Variants in SEL1L observed in about 807,000 individuals in gnomAD.
SEL1L encodes protein sel-1 homolog 1.
In SEL1L, 52 loss-of-function variants were observed where a neutral mutation model predicts 109.8. That is an observed-to-expected ratio of 0.47 (90% CI 0.38 to 0.60). The LOEUF is 0.60. Among genes scored for constraint, SEL1L ranks in the 20% least tolerant of loss-of-function variants. SEL1L has a pLI of 0.00. For missense variants in SEL1L, 749 were observed against 962.2 expected, an observed-to-expected ratio of 0.78 and a Z score of 2.93; for synonymous variants, 373 against 339.6, an observed-to-expected ratio of 1.10 and a Z score of -1.08.
rs1394107458 is a variant in SEL1L, at chr14:81,533,733, C to T, written c.12G>A (p.Arg4=). The change falls in exon 1 of 21, where the codon CGG becomes CGA. Residue 4 remains arginine, a synonymous_variant. Transcript: ENST00000336735. ...CACACAGCAGCAGCGTCAGCCCTAT[C>T]CGGACCCGCATCCTCCTCTCGGGGC... MRV[R]IGLTLLLCAV... 6.2e-7 allele frequency: 1 copy of T among 1,613,564 alleles called. No homozygotes were observed.
chr14:81,530,204 G>A (rs1397731617), intron 1 of SEL1L, among the ~76,000 whole-genome samples: 2 of 152,210 alleles, frequency 1.3e-5, no homozygotes, highest in Non-Finnish European at 2.9e-5. Flanking sequence ...ATAGTTTGGT[G>A]AAAACAGACC....
At chr14:81,508,281 A>C (rs1344136925) in intron 3 of SEL1L, among the ~76,000 whole-genome samples, 2 of 152,300 alleles carry the variant, frequency 1.3e-5, no homozygotes, top group Admixed American at 1.3e-4. Flanking sequence ...AGAGGCAAAT[A>C]ACTTTTTTTA....
At position 81,490,623 on chromosome 14, in the gene SEL1L, G is replaced by A. The variant is rs542606975; in HGVS notation, c.1255-158C>T. 91 of 633,766 alleles carry A rather than the reference G, an allele frequency of 1.4e-4. 1 individual carries two copies. In the African/African-American group the frequency reaches 1.5e-3, roughly 11 times the overall value. 39.3% of individuals were successfully genotyped at this position (633,766 alleles called of 1,614,324 possible). The stretch of plus-strand genomic sequence containing the variant: ...TATTTTAGAATTAAAAGCAAAGGCC[G>A]GGTACAGTGGCTCATGCCTGTAATC... On this transcript the variant is annotated intron_variant, in intron 12 of 20. Transcript: ENST00000336735.
chr14:81,491,342 A>C (rs1372427342), intron 12 of SEL1L, among the ~76,000 whole-genome samples: 1 of 152,286 alleles, frequency 6.6e-6, no homozygotes, highest in East Asian at 1.9e-4. Context: ...AAAGAAAAAC[A>C]GAATGGTCAA....
chr14:81,512,205 A>G (rs1030714855), intron 3 of SEL1L, among the ~76,000 whole-genome samples: 4 of 152,236 alleles, frequency 2.6e-5, no homozygotes, highest in African/African-American at 9.6e-5. Context: ...TGATGTGGAC[A>G]GACCTCACCC....
At chr14:81,513,104 C>T (rs1423016789) in intron 3 of SEL1L, among the ~76,000 whole-genome samples, 2 of 152,252 alleles carry the variant, frequency 1.3e-5, no homozygotes, top group East Asian at 3.9e-4. Flanking sequence ...AATCAGCACT[C>T]TGTAAGAACG....
At chr14:81,490,282 A>G in intron 13 of SEL1L, 106 bp downstream of exon 13, 1 of 778,282 alleles carries the variant, frequency 1.3e-6, no homozygotes, top group Non-Finnish European at 2.1e-6. Flanking sequence ...AGTTTCAATA[A>G]TGTATAGCAT....
At position 81,479,752 on chromosome 14, in the gene SEL1L, G is replaced by A. The variant is rs754967426; in HGVS notation, c.2047-12C>T. Reference sequence around the variant, plus strand: ...GCAAGGTGAATATCCTATAATACAGGTAAGAAACAAAAATGCATTTCTTGT... The same window carrying A: ...GCAAGGTGAATATCCTATAATACAGATAAGAAACAAAAATGCATTTCTTGT... On this transcript the variant is annotated splice_polypyrimidine_tract_variant and intron_variant, in intron 19 of 20. Transcript: ENST00000336735. 3 of 1,583,680 alleles carry A rather than the reference G, an allele frequency of 1.9e-6. No homozygotes were observed. Among genetic ancestry groups the A allele is most frequent in the Non-Finnish European group, 2.6e-6 (3 of 1,168,582 alleles).
Position 81,533,756 on chromosome 14 carries a change from G to A in SEL1L, c.-12C>T. 1 of 1,612,444 alleles carries A rather than the reference G, an allele frequency of 6.2e-7. No individual in the cohort carries two copies. The highest frequency in any genetic ancestry group is 8.5e-7 in the Non-Finnish European group (1 of 1,179,468). ...ATCCGGACCCGCATCCTCCTCTCGG[G>A]GCCGGTGCCAACCCCTAGAGCTGTC... On this transcript the variant is annotated 5_prime_UTR_variant, in exon 1 of 21. Transcript: ENST00000336735.
At chr14:81,498,522 A>C in intron 8 of SEL1L, 28 bp from the exon 9 acceptor site, 1 of 1,551,538 alleles carries the variant, frequency 6.4e-7, no homozygotes. Context: ...GTGAGGAGGC[A>C]GCAGTTTCAT....
chr14:81,498,795 T>G, intron 8 of SEL1L: 1 of 217,166 alleles, frequency 4.6e-6, no homozygotes, highest in Non-Finnish European at 9.0e-6. Flanking sequence ...TAAGGGCTTT[T>G]GCTTAGAACC....
At position 81,517,022 on chromosome 14, in the gene SEL1L, G is replaced by A. The variant is rs1022129078; in HGVS notation, c.340+9711C>T. On this transcript the variant is annotated intron_variant, in intron 3 of 20. Transcript: ENST00000336735. ...GGTTTAGGGGTTCCCTGACACAGAT[G>A]CATTAGAAGTGGGATTTGCTAGAAT... Among the ~76,000 whole-genome samples the A allele has an allele frequency of 4.6e-4, 70 of 152,294 alleles. 1 individual carries two copies. Among genetic ancestry groups the A allele is most frequent in the African/African-American group, 1.7e-3 (69 of 41,566 alleles).
Position 81,504,188 on chromosome 14 carries a change from C to A in SEL1L, c.614+13G>T. ...TGTCATGGGGGAAAAGTGGACTTAG[C>A]AGTGCTACCTACTCTCTTTTTTGGC... On this transcript the variant is annotated intron_variant, in intron 5 of 20. Coordinates refer to ENST00000336735, the MANE Select transcript of SEL1L (RefSeq NM_005065.6). The A allele has an allele frequency of 6.6e-7, 1 of 1,514,970 alleles. No homozygotes were observed. Among genetic ancestry groups the A allele is most frequent in the Non-Finnish European group, 9.0e-7 (1 of 1,111,308 alleles). 93.8% of individuals were successfully genotyped at this position (1,514,970 alleles called of 1,614,324 possible). A position where few individuals can be genotyped will look rare whatever the true frequency, so the allele number is the denominator to read the frequency against.
In SEL1L at chr14:81,533,762, T is replaced by C. The variant is rs2140073109; in HGVS notation, c.-18A>G. ...ACCCGCATCCTCCTCTCGGGGCCGGTGCCAACCCCTAGAGCTGTCGCCTTC... is the reference window on the plus strand; with the variant it reads ...ACCCGCATCCTCCTCTCGGGGCCGGCGCCAACCCCTAGAGCTGTCGCCTTC... On this transcript the variant is annotated 5_prime_UTR_variant, in exon 1 of 21. Transcript: ENST00000336735. The C allele has an allele frequency of 8.1e-6, 13 of 1,611,378 alleles. No homozygotes were observed. Among genetic ancestry groups the C allele is most frequent in the Non-Finnish European group, 1.0e-5 (12 of 1,178,986 alleles).
intron 1 of SEL1L, among the ~76,000 whole-genome samples, chr14:81,528,161 T>G (rs1048631694): frequency 6.6e-5 from 10 of 152,198 alleles, no homozygotes; most frequent in Admixed American, 2.6e-4. Context: ...GGATCTTGAG[T>G]TAGAGTAGCC....
chr14:81,508,541 G>A (rs181418581), intron 3 of SEL1L, among the ~76,000 whole-genome samples: 3 of 152,208 alleles, frequency 2.0e-5, no homozygotes, highest in Non-Finnish European at 2.9e-5. Flanking sequence ...GAACCCAGGA[G>A]TTTGAGACCA....
Position 81,522,826 on chromosome 14 carries a change from C to T in SEL1L, c.340+3907G>A, listed in dbSNP as rs183091331. ...CATCATCCCTAGACTACTTCTAATA[C>T]CTAATATAATGGAAATGCTATGTAA... On this transcript the variant is annotated intron_variant, in intron 3 of 20. Transcript: ENST00000336735. 9.9e-5 allele frequency among the ~76,000 whole-genome samples: 15 copies of T among 152,228 alleles called. No homozygotes were observed. The East Asian group carries it at 2.5e-3, about 25-fold the overall frequency.
chr14:81,528,639 T>G (rs918638504), intron 1 of SEL1L, among the ~76,000 whole-genome samples: 4 of 152,170 alleles, frequency 2.6e-5, no homozygotes, highest in African/African-American at 9.6e-5. Flanking sequence ...ATCTTTAAGT[T>G]TCCCTCTTGC....
rs1903149967 is a variant in SEL1L at position 81,476,091 on chromosome 14, T to C, written c.*881A>G. 6.6e-6 allele frequency: 1 copy of C among 152,238 alleles called. No individual in the cohort carries two copies. Among genetic ancestry groups the C allele is most frequent in the African/African-American group, 2.4e-5 (1 of 41,468 alleles). 9.4% of individuals were successfully genotyped at this position (152,238 alleles called of 1,614,324 possible). A position where few individuals can be genotyped will look rare whatever the true frequency, so the allele number is the denominator to read the frequency against. ...TTCAACTTTAGGAAAAGTATGTCTG[T>C]GTCTGTGATCGTAGTACCCCAACCA... On this transcript the variant is annotated 3_prime_UTR_variant, in exon 21 of 21. Coordinates refer to ENST00000336735, the MANE Select transcript of SEL1L (RefSeq NM_005065.6).
Sources: gnomAD v4.1 joint callset for allele counts (sites outside exome capture counted in the v4.1 genomes callset) on GRCh38, gnomAD v4.1.1 for gene constraint, MANE v1.5 for transcripts, NCBI Gene and HGNC (gene_info 2026-07-23, HGNC 2026-07-21) for gene names.